The following CHRDL1 variants were observed in gnomAD, a reference collection of about 807,000 sequenced individuals.
The protein encoded by CHRDL1 is chordin like 1.
Under a neutral mutation model 40.9 loss-of-function variants are expected in CHRDL1, and 19 were observed. That is an observed-to-expected ratio of 0.46 (90% confidence interval 0.32 to 0.68). The LOEUF (loss-of-function observed/expected upper bound fraction) is 0.68, where lower values mean the gene tolerates loss of function less well. Ranked by LOEUF, CHRDL1 falls within the 30% of genes least tolerant of loss-of-function variation. The pLI, the probability that CHRDL1 is intolerant of heterozygous loss-of-function variation, is 0.03. For missense variants in CHRDL1, 329 were observed against 352.1 expected (o/e 0.93, Z 0.53); for synonymous variants, 136 against 123.4 (o/e 1.10, Z -0.68).
intron 6 of CHRDL1, among the ~76,000 whole-genome samples, chrX:110,701,081 C>G (rs2070503447): frequency 8.9e-6 from 1 of 112,161 alleles, no homozygotes; most frequent in Non-Finnish European, 1.9e-5. Context: ...TCTGTTTAAA[C>G]TACCATTAAA....
At chrX:110,720,528 T>C (rs2070930445) in intron 5 of CHRDL1, among the ~76,000 whole-genome samples, 1 of 112,159 alleles carries the variant, frequency 8.9e-6, no homozygotes, top group South Asian at 3.7e-4. Flanking sequence ...ACCTTGTTCT[T>C]AGTTCTTAGA....
At chrX:110,763,051 CAT>C (rs1234725403) in intron 2 of CHRDL1, among the ~76,000 whole-genome samples, 1 of 111,603 alleles carries the variant, frequency 9.0e-6, no homozygotes, top group Non-Finnish European at 1.9e-5. Flanking sequence ...AATCAAGAGT[CAT>C]ATAACCAGTA....
intron 2 of CHRDL1, among the ~76,000 whole-genome samples, chrX:110,764,660 A>G (rs197050): frequency 0.11 from 12,459 of 111,449 alleles, 1,706 homozygotes; most frequent in African/African-American, 0.39. Flanking sequence ...GACTGCCTGT[A>G]GGGTCAGGCA....
chrX:110,721,523 G>A lies in CHRDL1; in HGVS notation c.309C>T (p.Ser103=). Residue 103 remains serine, a synonymous_variant, in exon 5 of 12, where the codon TCC becomes TCT. Coordinates refer to ENST00000372042, the MANE Select transcript of CHRDL1 (RefSeq NM_001143981.2). ...HLCCPRCPED[S]LPPVNNKVTS... ...TCACCTTATTGTTCACTGGGGGTAAGGAGTCTTCTAGAACAGGGTGGAGAA... is the reference window on the plus strand; with the variant it reads ...TCACCTTATTGTTCACTGGGGGTAAAGAGTCTTCTAGAACAGGGTGGAGAA... 1 of 1,207,860 alleles carries A rather than the reference G, an allele frequency of 8.3e-7. No homozygotes were observed. The highest frequency in any genetic ancestry group is 2.2e-5 in the Admixed American group (1 of 46,071).
chrX:110,759,625 A>G, intron 4 of CHRDL1, 36 bp downstream of exon 4: 1 of 972,369 alleles, frequency 1.0e-6, no homozygotes, highest in Admixed American at 2.2e-5. Flanking sequence ...GAAATGGAGA[A>G]CCACAGCTAG....
Position 110,688,675 on chromosome X carries a change from A to G in CHRDL1, c.907T>C (p.Cys303Arg). 8.3e-7 allele frequency: 1 copy of G among 1,208,953 alleles called. No individual in the cohort carries two copies. Among genetic ancestry groups the G allele is most frequent in the Non-Finnish European group, 1.1e-6 (1 of 893,657 alleles). ...VTKQECKKIH[C>R]PNRYPCKYPQ... ...TACTTGCAGGGGTATCGATTGGGGCAGTGGATTTTCTTACACTCTTGCTTG... is the reference window on the plus strand; with the variant it reads ...TACTTGCAGGGGTATCGATTGGGGCGGTGGATTTTCTTACACTCTTGCTTG... Residue 303 changes from cysteine (C) to arginine (R), a missense_variant, in exon 9 of 12, where the codon TGC becomes CGC. Coordinates refer to ENST00000372042, the MANE Select transcript of CHRDL1 (RefSeq NM_001143981.2).
At chrX:110,735,719 G>A (rs188431003) in intron 4 of CHRDL1, among the ~76,000 whole-genome samples, 70 of 112,512 alleles carry the variant, frequency 6.2e-4, no homozygotes, top group African/African-American at 1.9e-3. Context: ...CAGGCACCTG[G>A]AGACACAAAG....
At chrX:110,678,135 C>T (rs903431163) in intron 11 of CHRDL1, among the ~76,000 whole-genome samples, 4 of 111,870 alleles carry the variant, frequency 3.6e-5, no homozygotes, top group African/African-American at 1.3e-4. Flanking sequence ...ATGCACCATT[C>T]ACTTGCTTAA....
At chrX:110,765,745 A>C (rs1487216338) in intron 2 of CHRDL1, among the ~76,000 whole-genome samples, 1 of 112,064 alleles carries the variant, frequency 8.9e-6, no homozygotes. Flanking sequence ...ACACAGTAAT[A>C]GTAGGGGACT....
At chrX:110,693,156 T>A (rs951634373) in intron 8 of CHRDL1, among the ~76,000 whole-genome samples, 1 of 80,550 alleles carries the variant, frequency 1.2e-5, no homozygotes, top group Non-Finnish European at 2.4e-5. Context: ...CTGGTGTGTG[T>A]GGGGGTGGGG....
intron 2 of CHRDL1, among the ~76,000 whole-genome samples, chrX:110,767,445 A>G (rs1202868314): frequency 1.8e-5 from 2 of 110,337 alleles, no homozygotes; most frequent in Non-Finnish European, 3.8e-5. Context: ...GAAAACCATA[A>G]GGAGTCTTCC....
rs773838886 is a variant in CHRDL1, at chrX:110,743,238, A to G, written c.301+16423T>C. On this transcript the variant is annotated intron_variant, in intron 4 of 11. Transcript: ENST00000372042. ...TATCACAGATGTCCAGAGAACACAG[A>G]ACTTCCCTTCCATGCCTCCTAGGCT... 5.7e-4 allele frequency among the ~76,000 whole-genome samples: 64 copies of G among 112,595 alleles called. 1 individual carries two copies. The highest frequency in any genetic ancestry group is 2.1e-3 in the African/African-American group (64 of 31,037).
chrX:110,689,997 A>G (rs1195848664), intron 8 of CHRDL1, among the ~76,000 whole-genome samples: 1 of 56,067 alleles, frequency 1.8e-5, no homozygotes, highest in Non-Finnish European at 2.7e-5. Context: ...ATATATATCT[A>G]TATATCTATA....
intron 4 of CHRDL1, 27 bp from the exon 5 acceptor site, chrX:110,721,557 C>T (rs767501438): frequency 8.6e-7 from 1 of 1,167,356 alleles, no homozygotes; most frequent in Non-Finnish European, 1.2e-6. Flanking sequence ...AAAAACCACA[C>T]TGAGTATTGG....
At chrX:110,734,564 G>T (rs759556932) in intron 4 of CHRDL1, among the ~76,000 whole-genome samples, 2 of 112,009 alleles carry the variant, frequency 1.8e-5, no homozygotes, top group South Asian at 7.6e-4. Flanking sequence ...AGGTGGAAAT[G>T]AGGCCCAGAG....
At chrX:110,705,036 G>C (rs1354529368) in intron 6 of CHRDL1, among the ~76,000 whole-genome samples, 1 of 109,666 alleles carries the variant, frequency 9.1e-6, no homozygotes, top group Non-Finnish European at 1.9e-5. Flanking sequence ...TAATTAAAGA[G>C]TGTCATTAAA....
At chrX:110,720,681 C>T (rs763852820) in intron 5 of CHRDL1, among the ~76,000 whole-genome samples, 7 of 111,870 alleles carry the variant, frequency 6.3e-5, no homozygotes, top group Non-Finnish European at 9.4e-5. Flanking sequence ...CCTTGACAAT[C>T]CAGTGCTTAA....
chrX:110,688,860 T>A, intron 8 of CHRDL1, 57 bp from the exon 9 acceptor site: 3 of 896,716 alleles, frequency 3.3e-6, no homozygotes, highest in Non-Finnish European at 4.9e-6. Flanking sequence ...TGGAACCCTA[T>A]ATTCAGAACC....
chrX:110,750,383 T>C (rs2089335354), intron 4 of CHRDL1, among the ~76,000 whole-genome samples: 5 of 110,494 alleles, frequency 4.5e-5, no homozygotes, highest in Admixed American at 3.9e-4. Flanking sequence ...TCACAGGAAA[T>C]CAAGGTAATA....
Sources: allele counts gnomAD v4.1 joint callset (sites outside exome capture counted in the v4.1 genomes callset), GRCh38; gene constraint gnomAD v4.1.1; transcripts MANE v1.5; gene names NCBI Gene and HGNC (gene_info 2026-07-23, HGNC 2026-07-21).